KCNH8: variants seen among roughly 807,000 people sequenced by gnomAD.
KCNH8 encodes the protein potassium voltage-gated channel subfamily H member 8, also known as voltage-gated delayed rectifier potassium channel KCNH8.
Under a neutral mutation model 103.6 loss-of-function variants are expected in KCNH8, and 70 were observed. The observed-to-expected ratio is 0.68, with a 90% CI of 0.56 to 0.82. The LOEUF is 0.82. Among genes scored for constraint, KCNH8 ranks in the 40% least tolerant of loss-of-function variants. The pLI is 0.00. For synonymous variants in KCNH8, 498 were observed against 489.4 expected, an observed-to-expected ratio of 1.02 and a Z score of -0.23; for missense variants, 1,217 against 1,329.9, an observed-to-expected ratio of 0.92 and a Z score of 1.32.
At chr3:19,242,948 T>G (rs1269453344) in intron 1 of KCNH8, among the ~76,000 whole-genome samples, 4 of 152,186 alleles carry the variant, frequency 2.6e-5, no homozygotes, top group Non-Finnish European at 4.4e-5. Flanking sequence ...CTAGCCATCC[T>G]CCACTGAACT....
chr3:19,272,410 C>T (rs1355574472), intron 2 of KCNH8, among the ~76,000 whole-genome samples: 1 of 151,996 alleles, frequency 6.6e-6, no homozygotes, highest in African/African-American at 2.4e-5. Context: ...GGCTGATGGC[C>T]CCAGCTGCGG....
intron 1 of KCNH8, among the ~76,000 whole-genome samples, chr3:19,171,775 T>C (rs1268997007): frequency 6.6e-6 from 1 of 152,206 alleles, no homozygotes; most frequent in Non-Finnish European, 1.5e-5. Flanking sequence ...GAGTGAGACA[T>C]GGCCCTGGGT....
At chr3:19,246,553 G>A (rs1325534575) in intron 1 of KCNH8, among the ~76,000 whole-genome samples, 1 of 152,002 alleles carries the variant, frequency 6.6e-6, no homozygotes, top group African/African-American at 2.4e-5. Context: ...GGGATTACAG[G>A]CGTGAGTCAC....
chr3:19,226,586 C>T (rs2063934491), intron 1 of KCNH8, among the ~76,000 whole-genome samples: 2 of 148,728 alleles, frequency 1.3e-5, no homozygotes, highest in African/African-American at 2.5e-5. Context: ...TTCAGTCTTT[C>T]TCTCTCTCTC....
intron 15 of KCNH8, among the ~76,000 whole-genome samples, chr3:19,520,865 C>T (rs1168443894): frequency 2.0e-5 from 3 of 151,932 alleles, no homozygotes; most frequent in Admixed American, 6.6e-5. Flanking sequence ...AAGTGTTCAT[C>T]AGTGTGTACA....
chr3:19,162,884 C>T (rs988586365), intron 1 of KCNH8, among the ~76,000 whole-genome samples: 2 of 151,968 alleles, frequency 1.3e-5, no homozygotes, highest in Admixed American at 6.6e-5. Flanking sequence ...TCAGAATATT[C>T]GTAGCATATC....
chr3:19,219,134 A>C (rs1055069322), intron 1 of KCNH8, among the ~76,000 whole-genome samples: 1 of 152,036 alleles, frequency 6.6e-6, no homozygotes, highest in African/African-American at 2.4e-5. Context: ...GCTGCCCTAA[A>C]GTCTTTGCCT....
intron 3 of KCNH8, among the ~76,000 whole-genome samples, chr3:19,302,645 A>G (rs2065077630): frequency 6.6e-6 from 1 of 152,178 alleles, no homozygotes; most frequent in Non-Finnish European, 1.5e-5. Context: ...ATCCTTAGAA[A>G]TGCCATTAGA....
chr3:19,275,026 A>G (rs769040301), intron 2 of KCNH8, among the ~76,000 whole-genome samples: 43 of 151,302 alleles, frequency 2.8e-4, no homozygotes, highest in Non-Finnish European at 4.6e-4. Flanking sequence ...TTCCCCAGAA[A>G]TATGATCTCA....
intron 11 of KCNH8, among the ~76,000 whole-genome samples, chr3:19,491,689 C>T (rs1468268592): frequency 6.6e-6 from 1 of 152,130 alleles, no homozygotes; most frequent in East Asian, 1.9e-4. Flanking sequence ...ATCTATTTTC[C>T]TTTGGGTATG....
At chr3:19,312,949 A>T (rs2065225111) in intron 3 of KCNH8, among the ~76,000 whole-genome samples, 1 of 151,984 alleles carries the variant, frequency 6.6e-6, no homozygotes, top group Non-Finnish European at 1.5e-5. Flanking sequence ...GATACCTATG[A>T]TTTCAGAATT....
At chr3:19,501,725 A>G (rs2068587110) in intron 11 of KCNH8, among the ~76,000 whole-genome samples, 1 of 152,218 alleles carries the variant, frequency 6.6e-6, no homozygotes, top group Admixed American at 6.5e-5. Flanking sequence ...AAAATTCAAC[A>G]ACCTTCATGC....
chr3:19,203,592 C>T (rs1230209636), intron 1 of KCNH8, among the ~76,000 whole-genome samples: 1 of 151,864 alleles, frequency 6.6e-6, no homozygotes, highest in Non-Finnish European at 1.5e-5. Flanking sequence ...AGGAAGTTTG[C>T]AGGTAGTTTT....
chr3:19,514,241 T>C (rs1344579075), intron 13 of KCNH8, among the ~76,000 whole-genome samples: 1 of 151,664 alleles, frequency 6.6e-6, no homozygotes, highest in African/African-American at 2.4e-5. Context: ...ACTATATTTT[T>C]ATTATTTATT....
intron 8 of KCNH8, among the ~76,000 whole-genome samples, chr3:19,446,036 G>C (rs1342663194): frequency 1.3e-5 from 2 of 151,794 alleles, no homozygotes; most frequent in East Asian, 3.9e-4. Context: ...GAAAAGACTG[G>C]AAAACAAAGA....
chr3:19,254,049 A>G (rs1345123520), intron 2 of KCNH8, among the ~76,000 whole-genome samples, 162 bp downstream of exon 2: 2 of 152,086 alleles, frequency 1.3e-5, no homozygotes, highest in Non-Finnish European at 2.9e-5. Flanking sequence ...CCTTGTTTTA[A>G]CCATAAGCAG....
chr3:19,441,450 C>T (rs1446025732), intron 8 of KCNH8, among the ~76,000 whole-genome samples: 1 of 152,158 alleles, frequency 6.6e-6, no homozygotes, highest in Non-Finnish European at 1.5e-5. Flanking sequence ...CCAACTGATG[C>T]AGATTGATAT....
Position 19,513,207 on chromosome 3 carries a change from A to G in KCNH8, c.2317A>G (p.Asn773Asp). The G allele has an allele frequency of 6.2e-7, 1 of 1,613,910 alleles. No individual in the cohort carries two copies. The highest frequency in any genetic ancestry group is 8.5e-7 in the Non-Finnish European group (1 of 1,179,938). Residue 773 changes from asparagine (N) to aspartate (D), a missense_variant, in exon 13 of 16, where the codon AAT becomes GAT. By Grantham distance (23) the Asn-to-Asp change is conservative. Transcript: ENST00000328405. ...FHSPIRVSRSNSPKTKQEIDP... is the reference protein window; with the variant it reads ...FHSPIRVSRSDSPKTKQEIDP... ...CTCGCCTATCAGAGTCTCCAGGTCA[A>G]ATTCCCCCAAAACCAAGCAGGAAAT...
intron 13 of KCNH8, among the ~76,000 whole-genome samples, chr3:19,514,614 A>G (rs1161291793): frequency 1.3e-5 from 2 of 151,564 alleles, no homozygotes; most frequent in African/African-American, 2.4e-5. Flanking sequence ...ATTTTCTACA[A>G]TAGACTTTTT....
Sources: gnomAD v4.1 joint callset for allele counts (sites outside exome capture counted in the v4.1 genomes callset) on GRCh38, gnomAD v4.1.1 for gene constraint, MANE v1.5 for transcripts, NCBI Gene and HGNC (gene_info 2026-07-23, HGNC 2026-07-21) for gene names.